The following SH2D5 variants were observed in gnomAD, a reference collection of about 807,000 sequenced individuals.
The protein encoded by SH2D5 is SH2 domain-containing protein 5.
Under a neutral mutation model 48.2 loss-of-function variants are expected in SH2D5, and 45 were observed. The observed-to-expected ratio is 0.93, with a 90% CI of 0.73 to 1.20. The LOEUF (loss-of-function observed/expected upper bound fraction) is 1.20. SH2D5 is among the 50% of genes most tolerant of loss of function. The pLI, the probability that SH2D5 is intolerant of heterozygous loss-of-function variation, is 0.00. For synonymous variants in SH2D5, 230 were observed against 249.8 expected (o/e 0.92, Z 0.75); for missense variants, 538 against 584.1 (o/e 0.92, Z 0.81).
Position 20,728,206 on chromosome 1 carries a change from A to C in SH2D5, c.-42-120T>G. 1 of 607,346 alleles carries C rather than the reference A, an allele frequency of 1.6e-6. No individual in the cohort carries two copies. The highest frequency in any genetic ancestry group is 2.9e-6 in the Non-Finnish European group (1 of 343,334). 37.6% of individuals were successfully genotyped at this position (607,346 alleles called of 1,614,324 possible). Reference sequence around the variant, plus strand: ...GCTATGTGTGCAGCACGGCTGCGCAATGTCCCGGGCCCTGGGGAGCCAGCC... The same window carrying C: ...GCTATGTGTGCAGCACGGCTGCGCACTGTCCCGGGCCCTGGGGAGCCAGCC... On this transcript the variant is annotated intron_variant, in intron 1 of 9. Transcript: ENST00000444387. This position sits in a 1 kb window ranked among gnomAD's most constrained non-coding sequence, Gnocchi z 4.3.
At chr1:20,727,245 C>T (rs545670257) in intron 3 of SH2D5, among the ~76,000 whole-genome samples, 170 bp from the exon 4 acceptor site, 1 of 152,242 alleles carries the variant, frequency 6.6e-6, no homozygotes, top group South Asian at 2.1e-4. Flanking sequence ...GGGATGGCTC[C>T]TGGCAGATGA....
chr1:20,723,285 C>G (rs994508290), intron 8 of SH2D5, among the ~76,000 whole-genome samples: 3 of 152,228 alleles, frequency 2.0e-5, no homozygotes, highest in Non-Finnish European at 2.9e-5. Flanking sequence ...GAAGGTTTCT[C>G]CAGAGTCTGT....
chr1:20,727,103 G>T, intron 3 of SH2D5, 28 bp from the exon 4 acceptor site: 1 of 1,592,536 alleles, frequency 6.3e-7, no homozygotes, highest in Non-Finnish European at 8.6e-7. Flanking sequence ...GTGGGGACAG[G>T]CACCACCTCC....
chr1:20,723,569 A>G (rs1048798584), intron 8 of SH2D5, 57 bp downstream of exon 8: 2 of 1,401,234 alleles, frequency 1.4e-6, no homozygotes, highest in Non-Finnish European at 1.0e-6. Flanking sequence ...TGGGAAGCCC[A>G]TATTTCTCTG....
chr1:20,724,201 A>G lies in SH2D5; in HGVS notation c.681T>C (p.Asn227=). The G allele has an allele frequency of 1.2e-6, 2 of 1,612,832 alleles. No individual in the cohort carries two copies. Among genetic ancestry groups the G allele is most frequent in the Non-Finnish European group, 1.7e-6 (2 of 1,179,964 alleles). The change falls in exon 7 of 10, where the codon AAT becomes AAC. Residue 227 remains asparagine, a synonymous_variant. Transcript: ENST00000444387. The part of the protein sequence containing the change: ...EGRARHARLG[N]PYCSPTLVRK... ...GCACCAGCGTGGGCGAGCAGTAGGGATTCCCCAGGCGGGCATGGCGGGCAC... is the reference window on the plus strand; with the variant it reads ...GCACCAGCGTGGGCGAGCAGTAGGGGTTCCCCAGGCGGGCATGGCGGGCAC...
rs1227901433 is a variant in SH2D5, at chr1:20,722,835, C to A, written c.989G>T (p.Trp330Leu). The part of the protein sequence containing the change: ...LWPELGASGQ[W>L]CLSVRTQCGV... ...GCACTGCGTGCGCACGGACAGACAC[C>A]ACTGGCCGCTAGCACCCAGCTCAGG... The change falls in exon 9 of 10, where the codon TGG becomes TTG. Residue 330 changes from tryptophan (W) to leucine (L), a missense_variant. By Grantham distance (61) the Trp-to-Leu change is moderately conservative. Transcript: ENST00000444387. The A allele has an allele frequency of 6.2e-7, 1 of 1,605,066 alleles. No individual in the cohort carries two copies. Among genetic ancestry groups the A allele is most frequent in the East Asian group, 2.3e-5 (1 of 44,406 alleles).
Position 20,724,587 on chromosome 1 carries a change from G to C in SH2D5, c.439C>G (p.Leu147Val). Residue 147 changes from leucine (L) to valine (V), a missense_variant, in exon 6 of 10, where the codon CTC becomes GTC. Transcript: ENST00000444387. ...LLCRSFQLAY[L>V]LQHPEERAQP... ...GCCCGCTCCTCAGGGTGCTGCAAGA[G>C]GTAAGCCAGCTGGAAAGAGCGGCAC... is the stretch of plus-strand genomic sequence containing the variant. The C allele has an allele frequency of 6.3e-7, 1 of 1,593,444 alleles. No homozygotes were observed. Among genetic ancestry groups the C allele is most frequent in the East Asian group, 2.3e-5 (1 of 43,962 alleles).
Position 20,724,131 on chromosome 1 carries a change from G to A in SH2D5, c.751C>T (p.Arg251Cys), listed in dbSNP as rs771541402. 4.3e-6 allele frequency: 7 copies of A among 1,612,956 alleles called. No homozygotes were observed. The highest frequency in any genetic ancestry group is 2.7e-5 in the African/African-American group (2 of 75,056). ...RSKVIRSGAY[R>C]GCTYETQLQL... ...AGCTGGGTCTCATAGGTGCAGCCGC[G>A]GTAGGCCCCCGAGCGGATCACCTTG... The change falls in exon 7 of 10, where the codon CGC becomes TGC. Residue 251 changes from arginine to cysteine, a missense_variant. Coordinates refer to ENST00000444387, the MANE Select transcript of SH2D5 (RefSeq NM_001103161.2).
chr1:20,722,861 C>T lies in SH2D5; in HGVS notation c.963G>A (p.Trp321Ter). ...ACTGGCCGCTAGCACCCAGCTCAGG[C>T]CACAGCAGGAAGGCCCCCAGCACGT... is the stretch of plus-strand genomic sequence containing the variant. ...RRDVLGAFLL[W>*]PELGASGQWC... The change falls in exon 9 of 10, where the codon TGG becomes TGA. Residue 321 changes from tryptophan (W) to a stop codon, truncating the protein, a stop_gained. Transcript: ENST00000444387. LOFTEE classifies it high-confidence loss of function. 1.2e-6 allele frequency: 2 copies of T among 1,605,436 alleles called. No individual in the cohort carries two copies. Among genetic ancestry groups the T allele is most frequent in the Non-Finnish European group, 1.7e-6 (2 of 1,176,414 alleles).
chr1:20,729,629 A>T lies in SH2D5; in HGVS notation c.-42-1543T>A, dbSNP rs1367361814. Reference sequence around the variant, plus strand: ...GCCACACCGACAGGCGCCCACAGAGAGCAGGTATCCAACAGAGCCCTGGGC... The same window carrying T: ...GCCACACCGACAGGCGCCCACAGAGTGCAGGTATCCAACAGAGCCCTGGGC... On this transcript the variant is annotated intron_variant, in intron 1 of 9. Coordinates refer to ENST00000444387, the MANE Select transcript of SH2D5 (RefSeq NM_001103161.2). The surrounding 1 kb of genome is among the most constrained non-coding windows in gnomAD (Gnocchi z 4.2). Among the ~76,000 whole-genome samples, 1 of 151,872 alleles carries T rather than the reference A, an allele frequency of 6.6e-6. No individual in the cohort carries two copies. Among genetic ancestry groups the T allele is most frequent in the Non-Finnish European group, 1.5e-5 (1 of 67,952 alleles).
rs1264541893 is a variant in SH2D5, at chr1:20,729,570, G to A, written c.-42-1484C>T. On this transcript the variant is annotated intron_variant, in intron 1 of 9. Transcript: ENST00000444387. This position sits in a 1 kb window ranked among gnomAD's most constrained non-coding sequence, Gnocchi z 4.2. ...AGGAGGGAGCTTGGGAGGACAGCGG[G>A]GTCTGACCACTTCTGCTCCCCTCCT... 6.6e-6 allele frequency among the ~76,000 whole-genome samples: 1 copy of A among 152,144 alleles called. No individual in the cohort carries two copies. Among genetic ancestry groups the A allele is most frequent in the Non-Finnish European group, 1.5e-5 (1 of 68,022 alleles).
At chr1:20,726,929 A>C in intron 4 of SH2D5, 72 bp downstream of exon 4, 1 of 1,320,334 alleles carries the variant, frequency 7.6e-7, no homozygotes, top group Non-Finnish European at 1.0e-6. Context: ...ACCTAGGCAG[A>C]GGAGAGCGCA....
intron 5 of SH2D5, 96 bp from the exon 6 acceptor site, chr1:20,724,731 GC>G: frequency 7.2e-7 from 1 of 1,386,660 alleles, no homozygotes; most frequent in Non-Finnish European, 9.4e-7. Flanking sequence ...GGTGCATGCA[GC>G]CCCTTGGCTT....
intron 2 of SH2D5, 63 bp from the exon 3 acceptor site, chr1:20,727,666 C>A (rs1003075510): frequency 1.4e-6 from 2 of 1,411,086 alleles, no homozygotes; most frequent in Non-Finnish European, 1.9e-6. Context: ...CTAACCCCAT[C>A]CTCCAAATTC....
In SH2D5 at chr1:20,719,877, T is replaced by G. The variant is rs533987653; in HGVS notation, c.*1915A>C. 3 of 152,232 alleles carry G rather than the reference T, an allele frequency of 2.0e-5. No homozygotes were observed. The highest frequency in any genetic ancestry group is 4.4e-5 in the Non-Finnish European group (3 of 68,040). The allele number at this position is 152,232 out of a possible 1,614,324, so 9.4% of individuals were successfully genotyped here. A position where few individuals can be genotyped will look rare whatever the true frequency, so the allele number is the denominator to read the frequency against. On this transcript the variant is annotated 3_prime_UTR_variant, in exon 10 of 10. Transcript: ENST00000444387. The stretch of plus-strand genomic sequence containing the variant: ...CAGGGGCCAAAAACCTTGCCCTCTC[T>G]GTAACACGAGATCAATCTATGCTGG...
rs2054865584 is a variant in SH2D5, at chr1:20,729,383, C to T, written c.-42-1297G>A. ...GGATCAGAGAGTCCTGGGTCCAAAT[C>T]CTGTGTGACTTTGGACCAGCTGCCT... On this transcript the variant is annotated intron_variant, in intron 1 of 9. Coordinates refer to ENST00000444387, the MANE Select transcript of SH2D5 (RefSeq NM_001103161.2). The surrounding 1 kb of genome is among the most constrained non-coding windows in gnomAD (Gnocchi z 4.2). 6.6e-6 allele frequency among the ~76,000 whole-genome samples: 1 copy of T among 152,184 alleles called. No individual in the cohort carries two copies. The highest frequency in any genetic ancestry group is 1.5e-5 in the Non-Finnish European group (1 of 68,030).
At position 20,724,130 on chromosome 1, in the gene SH2D5, C is replaced by T. The variant is rs745377516; in HGVS notation, c.752G>A (p.Arg251His). ...RSKVIRSGAY[R>H]GCTYETQLQL... ...CAGCTGGGTCTCATAGGTGCAGCCG[C>T]GGTAGGCCCCCGAGCGGATCACCTT... The change falls in exon 7 of 10, where the codon CGC becomes CAC. Residue 251 changes from arginine to histidine, a missense_variant. Physicochemically the swap from Arg to His is conservative, Grantham distance 29. Coordinates refer to ENST00000444387, the MANE Select transcript of SH2D5 (RefSeq NM_001103161.2). 3.7e-5 allele frequency: 59 copies of T among 1,612,834 alleles called. No individual in the cohort carries two copies. Among genetic ancestry groups the T allele is most frequent in the Non-Finnish European group, 4.7e-5 (56 of 1,179,906 alleles).
chr1:20,724,243 C>T lies in SH2D5; in HGVS notation c.639G>A (p.Leu213=). The T allele has an allele frequency of 1.2e-6, 2 of 1,612,614 alleles. No individual in the cohort carries two copies. The highest frequency in any genetic ancestry group is 1.3e-5 in the African/African-American group (1 of 75,068). The change falls in exon 7 of 10, where the codon CTG becomes CTA. Residue 213 remains leucine (L), a synonymous_variant. Transcript: ENST00000444387. ...GGCGGGCACGGCCTTCCGACTCTGGCAGCTCCTTCTAGGGCACCAAGAGGG... is the reference window on the plus strand; with the variant it reads ...GGCGGGCACGGCCTTCCGACTCTGGTAGCTCCTTCTAGGGCACCAAGAGGG... ...AEGLVGSGKE[L]PESEGRARHA...
intron 1 of SH2D5, chr1:20,730,980 A>G (rs1479098691): frequency 1.3e-5 from 2 of 152,376 alleles, no homozygotes; most frequent in African/African-American, 4.8e-5. Flanking sequence ...CTGGGTCAGC[A>G]AAGGGTGGCT....
Sources: gnomAD v4.1 joint callset for allele counts (sites outside exome capture counted in the v4.1 genomes callset) on GRCh38, gnomAD v4.1.1 for gene constraint, Gnocchi (gnomAD v3.1) non-coding constraint, MANE v1.5 for transcripts, NCBI Gene and HGNC (gene_info 2026-07-23, HGNC 2026-07-21) for gene names.